RANBP9: variants seen among roughly 807,000 people sequenced by gnomAD.
RANBP9 encodes ran-binding protein 9.
In RANBP9, 15 loss-of-function variants were observed where a neutral mutation model predicts 84.3. The observed-to-expected ratio is 0.18, with a 90% CI of 0.12 to 0.27. The LOEUF (loss-of-function observed/expected upper bound fraction) is 0.27. Ranked by LOEUF, RANBP9 falls within the 10% of genes least tolerant of loss-of-function variation. The pLI is 1.00. For missense variants in RANBP9, 809 were observed against 912.8 expected (o/e 0.89, Z 1.46); for synonymous variants, 392 against 349.6 (o/e 1.12, Z -1.35).
At chr6:13,634,589 C>T (rs770147356) in intron 10 of RANBP9, 37 bp from the exon 11 acceptor site, 13 of 1,565,028 alleles carry the variant, frequency 8.3e-6, no homozygotes, top group Non-Finnish European at 7.9e-6. Context: ...TTAGAAATAT[C>T]ATACTTGCAG....
At position 13,653,693 on chromosome 6, in the gene RANBP9, A is replaced by G. The variant is rs890632691; in HGVS notation, c.905-1012T>C. Reference sequence around the variant, plus strand: ...AAAACATCTAACTCTATTTATTAATAAAGTTAAAAGACAAACTGAAAATAA... The same window carrying G: ...AAAACATCTAACTCTATTTATTAATGAAGTTAAAAGACAAACTGAAAATAA... On this transcript the variant is annotated intron_variant, in intron 4 of 13. Coordinates refer to ENST00000011619, the MANE Select transcript of RANBP9 (RefSeq NM_005493.3). Among the ~76,000 whole-genome samples the G allele has an allele frequency of 4.6e-5, 7 of 152,162 alleles. No individual in the cohort carries two copies. The South Asian group carries it at 1.2e-3, about 27-fold the overall frequency.
At chr6:13,674,857 A>G (rs1345024992) in intron 2 of RANBP9, among the ~76,000 whole-genome samples, 1 of 152,090 alleles carries the variant, frequency 6.6e-6, no homozygotes, top group African/African-American at 2.4e-5. Flanking sequence ...CTTTGTCTTA[A>G]GTTTTCATTT....
rs1286168998 is a variant in RANBP9 at position 13,686,120 on chromosome 6, C to A, written c.683+10665G>T. Among the ~76,000 whole-genome samples the A allele has an allele frequency of 6.9e-4, 32 of 46,510 alleles. 1 individual carries two copies. Among genetic ancestry groups the A allele is most frequent in the Non-Finnish European group, 1.0e-3 (26 of 24,994 alleles). 30.5% of individuals were successfully genotyped at this position (46,510 alleles called of 152,430 possible). ...TTTCTTCCCCCCCCCCCCCCCGCCC[C>A]CCGAAATAGAGTCTCACTCTGTAGC... On this transcript the variant is annotated intron_variant, in intron 2 of 13. Transcript: ENST00000011619.
intron 5 of RANBP9, among the ~76,000 whole-genome samples, chr6:13,651,695 C>T (rs957641726): frequency 5.3e-5 from 8 of 151,960 alleles, no homozygotes; most frequent in East Asian, 1.9e-4. Context: ...CCACCATGCC[C>T]GGCCTAGTCT....
At chr6:13,640,221 TTC>T (rs1185438462) in intron 8 of RANBP9, among the ~76,000 whole-genome samples, 1 of 152,160 alleles carries the variant, frequency 6.6e-6, no homozygotes, top group Non-Finnish European at 1.5e-5. Flanking sequence ...AGCAAAACAA[TTC>T]TGTCATTTGA....
chr6:13,675,776 TAAG>T, intron 2 of RANBP9, among the ~76,000 whole-genome samples: 1 of 149,312 alleles, frequency 6.7e-6, no homozygotes, highest in East Asian at 2.0e-4. Flanking sequence ...ATCAAAGACA[TAAG>T]AAACTATTAT....
At chr6:13,676,566 C>G (rs1483472117) in intron 2 of RANBP9, among the ~76,000 whole-genome samples, 1 of 151,928 alleles carries the variant, frequency 6.6e-6, no homozygotes, top group Non-Finnish European at 1.5e-5. Context: ...AAAGTATTAG[C>G]AAATCAAATC....
intron 12 of RANBP9, among the ~76,000 whole-genome samples, chr6:13,627,436 C>T (rs1007939354): frequency 2.0e-5 from 3 of 151,984 alleles, no homozygotes; most frequent in Admixed American, 6.6e-5. Context: ...TCAAGACCAA[C>T]CTAGCCAACA....
At chr6:13,640,676 T>C (rs1436543678) in intron 8 of RANBP9, among the ~76,000 whole-genome samples, 1 of 152,198 alleles carries the variant, frequency 6.6e-6, no homozygotes, top group Non-Finnish European at 1.5e-5. Flanking sequence ...ACTCTGATTC[T>C]ACTTATATGG....
At chr6:13,626,843 T>G (rs1268013177) in intron 12 of RANBP9, among the ~76,000 whole-genome samples, 1 of 152,164 alleles carries the variant, frequency 6.6e-6, no homozygotes, top group African/African-American at 2.4e-5. Flanking sequence ...CTTACTAGTG[T>G]TATGAAAGCA....
At chr6:13,684,023 A>T (rs1766108026) in intron 2 of RANBP9, among the ~76,000 whole-genome samples, 1 of 152,076 alleles carries the variant, frequency 6.6e-6, no homozygotes, top group Non-Finnish European at 1.5e-5. Flanking sequence ...AAAATCCAAG[A>T]CTCACATTCT....
chr6:13,642,615 A>ATGTTT, intron 6 of RANBP9, 24 bp from the exon 7 acceptor site: 3 of 1,455,426 alleles, frequency 2.1e-6, no homozygotes, highest in Non-Finnish European at 1.9e-6. Context: ...GAAGAAACAT[A>ATGTTT]CATCTTTTAG....
Position 13,692,548 on chromosome 6 carries a change from A to C in RANBP9, c.683+4237T>G, listed in dbSNP as rs1166290149. Among the ~76,000 whole-genome samples the C allele has an allele frequency of 2.7e-5, 4 of 145,456 alleles. 1 individual carries two copies. The highest frequency in any genetic ancestry group is 5.1e-5 in the African/African-American group (2 of 39,038). ...GTCTCAAAAAAAAAAAAAAAAAAAA[A>C]AAAAAACACAAAAAACAAAAAGGCA... On this transcript the variant is annotated intron_variant, in intron 2 of 13. Transcript: ENST00000011619.
At chr6:13,629,856 CATT>C (rs1764724408) in intron 12 of RANBP9, among the ~76,000 whole-genome samples, 1 of 151,926 alleles carries the variant, frequency 6.6e-6, no homozygotes, top group Non-Finnish European at 1.5e-5. Flanking sequence ...TGACCTTCAA[CATT>C]AATCAAATCT....
chr6:13,629,660 G>T (rs1010446073), intron 12 of RANBP9, among the ~76,000 whole-genome samples: 2 of 152,076 alleles, frequency 1.3e-5, no homozygotes, highest in East Asian at 3.9e-4. Flanking sequence ...ACTTTCCACA[G>T]TCCCTACAAC....
chr6:13,629,913 C>CG (rs1343903835), intron 12 of RANBP9, among the ~76,000 whole-genome samples: 19 of 125,054 alleles, frequency 1.5e-4, no homozygotes, highest in East Asian at 3.4e-4. Context: ...CTCTCTCTCT[C>CG]TCTCTCTCGT....
At chr6:13,696,492 G>C (rs191751084) in intron 2 of RANBP9, among the ~76,000 whole-genome samples, 1 of 152,158 alleles carries the variant, frequency 6.6e-6, no homozygotes, top group Non-Finnish European at 1.5e-5. Flanking sequence ...TCACGAAAAA[G>C]CAGTGTAAGA....
chr6:13,639,270 C>T (rs1418514903), intron 9 of RANBP9, among the ~76,000 whole-genome samples: 1 of 152,196 alleles, frequency 6.6e-6, no homozygotes, highest in Non-Finnish European at 1.5e-5. Context: ...CCTCTGCCTC[C>T]AGGATTCAAG....
chr6:13,700,203 C>A (rs1222882963), intron 1 of RANBP9, among the ~76,000 whole-genome samples: 1 of 152,168 alleles, frequency 6.6e-6, no homozygotes, highest in Non-Finnish European at 1.5e-5. Flanking sequence ...TACCCTATTC[C>A]CACTCCCTTC....
Sources: allele counts gnomAD v4.1 joint callset (sites outside exome capture counted in the v4.1 genomes callset), GRCh38; gene constraint gnomAD v4.1.1; transcripts MANE v1.5; gene names NCBI Gene and HGNC (gene_info 2026-07-23, HGNC 2026-07-21).